The following NR2C2 variants were observed in gnomAD, a reference collection of about 807,000 sequenced individuals.
The protein encoded by NR2C2 is Nuclear hormone receptor TR4.
Under a neutral mutation model 62.9 loss-of-function variants are expected in NR2C2, and 6 were observed. That is an observed-to-expected ratio of 0.10 (90% confidence interval 0.05 to 0.19). The LOEUF is 0.19. Among genes scored for constraint, NR2C2 ranks in the 10% least tolerant of loss-of-function variants. The pLI, the probability that NR2C2 is intolerant of heterozygous loss-of-function variation, is 1.00. For synonymous variants in NR2C2, 272 were observed against 273.8 expected (o/e 0.99, Z 0.07); for missense variants, 479 against 762.7 (o/e 0.63, Z 4.38).
chr3:14,968,929 GAAC>G (rs1416405219), intron 1 of NR2C2, among the ~76,000 whole-genome samples: 3 of 147,040 alleles, frequency 2.0e-5, no homozygotes, highest in African/African-American at 7.6e-5. Flanking sequence ...GGTGGGAATT[GAAC>G]AACAAGAACA....
intron 2 of NR2C2, among the ~76,000 whole-genome samples, chr3:15,004,249 G>A (rs1042612307): frequency 6.6e-6 from 1 of 152,214 alleles, no homozygotes; most frequent in Non-Finnish European, 1.5e-5. Flanking sequence ...TTGAGAGGCA[G>A]TATGTCTTAG....
intron 1 of NR2C2, among the ~76,000 whole-genome samples, chr3:14,953,162 C>T (rs2125214209): frequency 6.6e-6 from 1 of 152,136 alleles, no homozygotes; most frequent in East Asian, 1.9e-4. Context: ...TGATGAAAGT[C>T]AGCCTCAGAG....
intron 1 of NR2C2, among the ~76,000 whole-genome samples, chr3:14,976,952 A>T: frequency 6.6e-6 from 1 of 152,252 alleles, no homozygotes; most frequent in South Asian, 2.1e-4. Flanking sequence ...CATGTCCTGT[A>T]GTATATATAT....
chr3:15,033,955 CTG>C (rs2042043132), intron 10 of NR2C2, among the ~76,000 whole-genome samples: 1 of 152,174 alleles, frequency 6.6e-6, no homozygotes, highest in South Asian at 2.1e-4. Context: ...TGCAGTAGCC[CTG>C]GTTCTCACTG....
chr3:14,948,606 G>T (rs1170663753), intron 1 of NR2C2: 2 of 152,326 alleles, frequency 1.3e-5, no homozygotes, highest in Admixed American at 6.6e-5. Context: ...GGGGCCGGGG[G>T]CGGGGCGCGA....
intron 1 of NR2C2, among the ~76,000 whole-genome samples, chr3:14,982,558 A>G (rs1355123169): frequency 2.6e-5 from 4 of 152,040 alleles, no homozygotes; most frequent in African/African-American, 4.8e-5. Flanking sequence ...TTATTTCCCA[A>G]TGTTTTATGT....
At chr3:14,988,965 A>G (rs1218373429) in intron 1 of NR2C2, among the ~76,000 whole-genome samples, 4 of 152,162 alleles carry the variant, frequency 2.6e-5, no homozygotes, top group African/African-American at 9.7e-5. Flanking sequence ...TCTCCACCCT[A>G]TGTAAAAGTA....
At chr3:15,029,094 A>G (rs898665683) in intron 8 of NR2C2, among the ~76,000 whole-genome samples, 1 of 148,178 alleles carries the variant, frequency 6.7e-6, no homozygotes, top group Non-Finnish European at 1.5e-5. Context: ...TTTCTCATCT[A>G]TATTTTTCTT....
intron 1 of NR2C2, among the ~76,000 whole-genome samples, chr3:14,961,457 T>A (rs913535984): frequency 2.0e-5 from 3 of 152,232 alleles, no homozygotes; most frequent in African/African-American, 7.2e-5. Flanking sequence ...AGTTTTTATA[T>A]GTAAATCTTG....
rs1337553881 is a variant in NR2C2, at chr3:15,043,113, G to A, written c.*105G>A. The stretch of plus-strand genomic sequence containing the variant: ...TATGTGCAAATATTTCCATATGTTA[G>A]CCATTTCCTGTCTGGTTTCTCCTTA... On this transcript the variant is annotated 3_prime_UTR_variant, in exon 14 of 14. Coordinates refer to ENST00000425241, the MANE Select transcript of NR2C2 (RefSeq NM_001291694.2). The A allele has an allele frequency of 3.1e-5, 33 of 1,075,216 alleles. No individual in the cohort carries two copies. The highest frequency in any genetic ancestry group is 4.1e-5 in the Non-Finnish European group (32 of 785,826). 66.6% of individuals were successfully genotyped at this position (1,075,216 alleles called of 1,614,324 possible). A position where few individuals can be genotyped will look rare whatever the true frequency, so the allele number is the denominator to read the frequency against.
intron 1 of NR2C2, among the ~76,000 whole-genome samples, chr3:14,957,919 A>G (rs1437069982): frequency 5.9e-5 from 1 of 17,094 alleles, no homozygotes; most frequent in African/African-American, 4.6e-4. Flanking sequence ...TAATAATTCC[A>G]CACCACATTG....
At chr3:14,976,602 C>CTTTTTTTTTTTTTTTTT (rs533538010) in intron 1 of NR2C2, among the ~76,000 whole-genome samples, 6 of 90,726 alleles carry the variant, frequency 6.6e-5, no homozygotes, top group East Asian at 3.1e-4. Context: ...TCCTTCCTTC[C>CTTTTTTTTTTTTTTTTT]TTTTTTTTTT....
At chr3:14,994,054 C>T (rs569720472) in intron 1 of NR2C2, among the ~76,000 whole-genome samples, 2 of 152,286 alleles carry the variant, frequency 1.3e-5, no homozygotes, top group African/African-American at 2.4e-5. Context: ...AGAGTAAGTG[C>T]TTACCAGGTT....
intron 1 of NR2C2, among the ~76,000 whole-genome samples, chr3:14,996,512 A>ATTT (rs2124881469): frequency 6.6e-6 from 1 of 152,370 alleles, no homozygotes; most frequent in African/African-American, 2.4e-5. Context: ...AAGTAGTAAC[A>ATTT]ATATGTCCAT....
chr3:15,013,941 T>C, intron 3 of NR2C2, 152 bp downstream of exon 3: 4 of 736,690 alleles, frequency 5.4e-6, no homozygotes, highest in Non-Finnish European at 9.2e-6. Context: ...GCCAAAGTAA[T>C]AAACCAGCAA....
intron 1 of NR2C2, among the ~76,000 whole-genome samples, chr3:14,968,151 G>A (rs532370551): frequency 2.0e-5 from 3 of 152,266 alleles, no homozygotes; most frequent in Non-Finnish European, 4.4e-5. Flanking sequence ...ATCTAATTAA[G>A]CTAAAGAGCT....
At position 15,047,465 on chromosome 3, in the gene NR2C2, C is replaced by G. The variant is rs971881852; in HGVS notation, c.*4457C>G. ...CCTTTTCATGCACCTATTCATGGCC[C>G]TACCTGGAAGGAACTTGGCAGTTGG... On this transcript the variant is annotated 3_prime_UTR_variant, in exon 14 of 14. Transcript: ENST00000425241. 14 of 152,244 alleles carry G rather than the reference C, an allele frequency of 9.2e-5. No individual in the cohort carries two copies. The highest frequency in any genetic ancestry group is 3.4e-4 in the African/African-American group (14 of 41,450). The allele number at this position is 152,244 out of a possible 1,614,324, so 9.4% of individuals were successfully genotyped here.
chr3:15,033,942 C>G (rs1206630538), intron 10 of NR2C2, among the ~76,000 whole-genome samples: 1 of 152,126 alleles, frequency 6.6e-6, no homozygotes, highest in Non-Finnish European at 1.5e-5. Context: ...GGGAATGACC[C>G]AGTGCAGTAG....
At chr3:14,981,566 G>A (rs1163479373) in intron 1 of NR2C2, among the ~76,000 whole-genome samples, 1 of 139,836 alleles carries the variant, frequency 7.2e-6, no homozygotes, top group Non-Finnish European at 1.5e-5. Context: ...TCCCGCCACT[G>A]CACTCCATCC....
Sources: gnomAD v4.1 joint callset for allele counts (sites outside exome capture counted in the v4.1 genomes callset) on GRCh38, gnomAD v4.1.1 for gene constraint, MANE v1.5 for transcripts, NCBI Gene and HGNC (gene_info 2026-07-23, HGNC 2026-07-21) for gene names.